Variants in NDFIP1 observed in about 807,000 individuals in gnomAD.
NDFIP1 encodes Nedd4 family interacting protein 1, also known as NEDD4 family-interacting protein 1.
A neutral mutation model predicts 28.8 loss-of-function variants in NDFIP1; 7 were observed. The ratio of observed to expected loss-of-function variants is 0.24; its 90% confidence interval spans 0.14 to 0.46. The LOEUF is 0.46. Ranked by LOEUF, NDFIP1 falls within the 20% of genes least tolerant of loss-of-function variation. The pLI is 0.99. For synonymous variants in NDFIP1, 92 were observed against 101.0 expected (o/e 0.91, Z 0.53); for missense variants, 194 against 269.1 (o/e 0.72, Z 1.95).
intron 7 of NDFIP1, among the ~76,000 whole-genome samples, chr5:142,145,047 C>T (rs10068466): frequency 0.26 from 39,670 of 152,074 alleles, 5,544 homozygotes; most frequent in South Asian, 0.42. Context: ...ACCCTTCAGG[C>T]CTAATCACTC....
intron 6 of NDFIP1, among the ~76,000 whole-genome samples, chr5:142,141,367 G>A (rs1402496654): frequency 1.3e-5 from 2 of 151,448 alleles, no homozygotes; most frequent in Non-Finnish European, 2.9e-5. Flanking sequence ...TAGTAGAGAC[G>A]GGGTTTTACC....
At chr5:142,111,709 G>A (rs1026995219) in intron 1 of NDFIP1, among the ~76,000 whole-genome samples, 2 of 152,174 alleles carry the variant, frequency 1.3e-5, no homozygotes, top group East Asian at 3.8e-4. Flanking sequence ...TGTCTTTATG[G>A]TCTTTTTATT....
At chr5:142,135,409 G>T (rs1757263363) in intron 3 of NDFIP1, among the ~76,000 whole-genome samples, 1 of 152,146 alleles carries the variant, frequency 6.6e-6, no homozygotes, top group South Asian at 2.1e-4. Flanking sequence ...TTTAAAGGAA[G>T]AGTAAATAGT....
At chr5:142,149,082 A>T (rs1020271870) in intron 7 of NDFIP1, among the ~76,000 whole-genome samples, 1 of 152,120 alleles carries the variant, frequency 6.6e-6, no homozygotes. Context: ...GAAGGAAAAA[A>T]GGAGGTTTTT....
chr5:142,131,118 G>A (rs1005888846), intron 1 of NDFIP1, among the ~76,000 whole-genome samples: 3 of 151,238 alleles, frequency 2.0e-5, no homozygotes, highest in South Asian at 2.1e-4. Flanking sequence ...CCACTCCCGG[G>A]TAATTTTTGT....
intron 1 of NDFIP1, among the ~76,000 whole-genome samples, chr5:142,113,052 G>T (rs1757031717): frequency 6.6e-6 from 1 of 152,132 alleles, no homozygotes; most frequent in Non-Finnish European, 1.5e-5. Context: ...AGTATTTTGG[G>T]ATACTTGGAT....
At chr5:142,114,956 G>C (rs2126910000) in intron 1 of NDFIP1, among the ~76,000 whole-genome samples, 1 of 152,274 alleles carries the variant, frequency 6.6e-6, no homozygotes, top group East Asian at 1.9e-4. Context: ...AGTGCTTCCT[G>C]GTTTGGGCAG....
In NDFIP1 at chr5:142,152,204, C is replaced by T. The variant is rs1412364837; in HGVS notation, c.*476C>T. 1.3e-5 allele frequency: 2 copies of T among 152,732 alleles called. No homozygotes were observed. Among genetic ancestry groups the T allele is most frequent in the African/African-American group, 2.4e-5 (1 of 41,424 alleles). The allele number at this position is 152,732 out of a possible 1,614,324, so 9.5% of individuals were successfully genotyped here. On this transcript the variant is annotated 3_prime_UTR_variant, in exon 8 of 8. Coordinates refer to ENST00000253814, the MANE Select transcript of NDFIP1 (RefSeq NM_030571.4). Reference sequence around the variant, plus strand: ...TGTTTTTGCACATAATCCATATTTGCTGTTCAAGTTAATCTAGAAATTTAT... The same window carrying T: ...TGTTTTTGCACATAATCCATATTTGTTGTTCAAGTTAATCTAGAAATTTAT...
chr5:142,153,672 A>G lies in NDFIP1; in HGVS notation c.*1944A>G. The G allele has an allele frequency of 3.6e-6, 1 of 278,266 alleles. No homozygotes were observed. Among genetic ancestry groups the G allele is most frequent in the Non-Finnish European group, 7.1e-6 (1 of 140,160 alleles). 17.2% of individuals were successfully genotyped at this position (278,266 alleles called of 1,614,324 possible). ...TGGAGTTTGGAAGTTTGTATGGCCT[A>G]TAATGTTCTAAGTTCCAGAATGAAA... On this transcript the variant is annotated 3_prime_UTR_variant, in exon 8 of 8. Transcript: ENST00000253814.
rs1463074874 is a variant in NDFIP1 at position 142,144,444 on chromosome 5, A to C, written c.563-127A>C. 7.3e-6 allele frequency: 5 copies of C among 686,816 alleles called. No individual in the cohort carries two copies. The East Asian group carries it at 1.3e-4, about 18-fold the overall frequency. The allele number at this position is 686,816 out of a possible 1,614,324, so 42.5% of individuals were successfully genotyped here. On this transcript the variant is annotated intron_variant, in intron 6 of 7. Coordinates refer to ENST00000253814, the MANE Select transcript of NDFIP1 (RefSeq NM_030571.4). ...AAATCCTCTGCAGATTCTGGAGGAA[A>C]TTGCTAATGTTTTGATTACCTTTAG...
At chr5:142,109,242 G>A (rs55865281) in intron 1 of NDFIP1, among the ~76,000 whole-genome samples, 42,588 of 152,116 alleles carry the variant, frequency 0.28, 7,529 homozygotes, top group Non-Finnish European at 0.39. Flanking sequence ...CCCCAGGTGG[G>A]ACTCCGGCGG....
At chr5:142,117,635 A>G (rs1411337180) in intron 1 of NDFIP1, among the ~76,000 whole-genome samples, 1 of 151,966 alleles carries the variant, frequency 6.6e-6, no homozygotes, top group Non-Finnish European at 1.5e-5. Flanking sequence ...AGATTCAAAC[A>G]GTAACTTTCT....
At chr5:142,144,748 G>A in intron 7 of NDFIP1, 72 bp downstream of exon 7, 2 of 1,007,114 alleles carry the variant, frequency 2.0e-6, no homozygotes, top group Non-Finnish European at 3.0e-6. Context: ...TTCAGTTTTA[G>A]AGTAAGTATC....
Position 142,152,333 on chromosome 5 carries a change from T to G in NDFIP1, c.*605T>G, listed in dbSNP as rs1375633408. Reference sequence around the variant, plus strand: ...TTGGTAAATAATAAGCATTAATTTTTTATAGCCTGTATTCACAATTCTGCG... The same window carrying G: ...TTGGTAAATAATAAGCATTAATTTTGTATAGCCTGTATTCACAATTCTGCG... On this transcript the variant is annotated 3_prime_UTR_variant, in exon 8 of 8. Transcript: ENST00000253814. 3 of 152,402 alleles carry G rather than the reference T, an allele frequency of 2.0e-5. No homozygotes were observed. Among genetic ancestry groups the G allele is most frequent in the Admixed American group, 6.5e-5 (1 of 15,276 alleles). The allele number at this position is 152,402 out of a possible 1,614,324, so 9.4% of individuals were successfully genotyped here.
In NDFIP1 at chr5:142,147,473, A is replaced by C. The variant is rs1444862339; in HGVS notation, c.*2+2797A>C. ...ATTATGCTTATCACAGTTTTTAAAA[A>C]GTAATTATCTGCTAATTCCAACATC... On this transcript the variant is annotated intron_variant, in intron 7 of 7. Coordinates refer to ENST00000253814, the MANE Select transcript of NDFIP1 (RefSeq NM_030571.4). Among the ~76,000 whole-genome samples, 5 of 152,348 alleles carry C rather than the reference A, an allele frequency of 3.3e-5. No individual in the cohort carries two copies. The South Asian group carries it at 6.2e-4, about 19-fold the overall frequency.
At chr5:142,135,197 C>G (rs1312864066) in intron 3 of NDFIP1, among the ~76,000 whole-genome samples, 1 of 152,092 alleles carries the variant, frequency 6.6e-6, no homozygotes, top group African/African-American at 2.4e-5. Context: ...CCAGGATGGT[C>G]TCGATCTCCT....
intron 7 of NDFIP1, among the ~76,000 whole-genome samples, chr5:142,150,731 A>AG (rs1554092565): frequency 6.6e-6 from 1 of 150,868 alleles, no homozygotes; most frequent in Admixed American, 6.7e-5. Flanking sequence ...CAAAAAAAAA[A>AG]AAAAGAAAAG....
chr5:142,119,138 A>G (rs1209342362), intron 1 of NDFIP1, among the ~76,000 whole-genome samples: 3 of 152,176 alleles, frequency 2.0e-5, no homozygotes, highest in Non-Finnish European at 4.4e-5. Context: ...TATTAAGCTA[A>G]ACATAAGTTC....
rs1757462733 is a variant in NDFIP1, at chr5:142,152,943, T to G, written c.*1215T>G. 1.6e-5 allele frequency: 4 copies of G among 244,902 alleles called. No individual in the cohort carries two copies. The highest frequency in any genetic ancestry group is 1.5e-4 in the Admixed American group (3 of 19,566). The allele number at this position is 244,902 out of a possible 1,614,324, so 15.2% of individuals were successfully genotyped here. A position where few individuals can be genotyped will look rare whatever the true frequency, so the allele number is the denominator to read the frequency against. On this transcript the variant is annotated 3_prime_UTR_variant, in exon 8 of 8. Transcript: ENST00000253814. ...AGAAGTCCTCTTATATCCTACTAAATACATTCCTAAAAATGTATTTGAACA... is the reference window on the plus strand; with the variant it reads ...AGAAGTCCTCTTATATCCTACTAAAGACATTCCTAAAAATGTATTTGAACA...
Sources: allele counts gnomAD v4.1 joint callset (sites outside exome capture counted in the v4.1 genomes callset), GRCh38; gene constraint gnomAD v4.1.1; transcripts MANE v1.5; gene names NCBI Gene and HGNC (gene_info 2026-07-23, HGNC 2026-07-21).